The following AGBL4 variants were observed in gnomAD, a reference collection of about 807,000 sequenced individuals.
The protein encoded by AGBL4 is cytosolic carboxypeptidase 6.
A neutral mutation model predicts 66.4 loss-of-function variants in AGBL4; 58 were observed. That is an observed-to-expected ratio of 0.87 (90% CI 0.71 to 1.09). The LOEUF is 1.09. Ranked by LOEUF, AGBL4 falls within the 50% of genes least tolerant of loss-of-function variation. AGBL4 has a pLI of 0.00. For synonymous variants in AGBL4, 234 were observed against 222.9 expected (o/e 1.05, Z -0.44); for missense variants, 579 against 631.0 (o/e 0.92, Z 0.88).
At chr1:48,644,099 T>A (rs1645799266) in intron 8 of AGBL4, among the ~76,000 whole-genome samples, 1 of 152,282 alleles carries the variant, frequency 6.6e-6, no homozygotes, top group East Asian at 1.9e-4. Context: ...GGAGTATGAC[T>A]CATTATCACT....
At chr1:49,487,058 G>T (rs1186615142) in intron 3 of AGBL4, among the ~76,000 whole-genome samples, 1 of 151,896 alleles carries the variant, frequency 6.6e-6, no homozygotes, top group Non-Finnish European at 1.5e-5. Flanking sequence ...TCTCAAAACA[G>T]AAAAATAATT....
At position 48,929,372 on chromosome 1, in the gene AGBL4, C is replaced by T. The variant is rs1654850012; in HGVS notation, c.595-62142G>A. Among the ~76,000 whole-genome samples, 3 of 152,146 alleles carry T rather than the reference C, an allele frequency of 2.0e-5. No individual in the cohort carries two copies. In the South Asian group the frequency reaches 6.2e-4, roughly 32 times the overall value. On this transcript the variant is annotated intron_variant, in intron 5 of 13. Transcript: ENST00000371839. ...TTAAAAAACATGCCACTTTGGCCTT[C>T]ACTTTGTTCCCATTGTTCTCTTTCC...
chr1:49,562,329 A>G (rs1220359945), intron 3 of AGBL4, among the ~76,000 whole-genome samples: 1 of 151,984 alleles, frequency 6.6e-6, no homozygotes, highest in Non-Finnish European at 1.5e-5. Context: ...CCCATTTGTC[A>G]ATTTTGGCTT....
chr1:48,645,245 G>GGA (rs1441757962), intron 8 of AGBL4, among the ~76,000 whole-genome samples: 2 of 152,132 alleles, frequency 1.3e-5, no homozygotes, highest in African/African-American at 2.4e-5. Flanking sequence ...AGAGTCCCTG[G>GGA]GAGGTAAGGG....
chr1:49,955,807 A>G (rs1557616647), intron 1 of AGBL4, among the ~76,000 whole-genome samples: 1 of 151,802 alleles, frequency 6.6e-6, no homozygotes, highest in Non-Finnish European at 1.5e-5. Context: ...GCCCTGGAAA[A>G]AAAAGTACAA....
At chr1:48,555,776 C>T (rs1318749273) in intron 11 of AGBL4, among the ~76,000 whole-genome samples, 2 of 152,078 alleles carry the variant, frequency 1.3e-5, no homozygotes, top group Non-Finnish European at 2.9e-5. Flanking sequence ...AGGGCCTGAG[C>T]TCAGGCACTC....
chr1:49,330,108 T>C (rs1386745096), intron 3 of AGBL4, among the ~76,000 whole-genome samples: 1 of 152,232 alleles, frequency 6.6e-6, no homozygotes, highest in African/African-American at 2.4e-5. Context: ...AAAATGTAGC[T>C]ACATAACCTC....
chr1:49,353,517 A>G (rs1643953947), intron 3 of AGBL4, among the ~76,000 whole-genome samples: 1 of 152,192 alleles, frequency 6.6e-6, no homozygotes, highest in African/African-American at 2.4e-5. Flanking sequence ...ACCCTGGAAA[A>G]GGATTAATGG....
At chr1:49,286,886 A>T (rs1428535737) in intron 3 of AGBL4, among the ~76,000 whole-genome samples, 1 of 152,158 alleles carries the variant, frequency 6.6e-6, no homozygotes, top group Admixed American at 6.5e-5. Context: ...TGGAACCAAA[A>T]AAGAGCCCGC....
chr1:49,942,441 T>A (rs1654847208), intron 1 of AGBL4, among the ~76,000 whole-genome samples: 1 of 151,966 alleles, frequency 6.6e-6, no homozygotes, highest in Admixed American at 6.6e-5. Context: ...AAACATATGA[T>A]AAACCTGTAG....
intron 4 of AGBL4, among the ~76,000 whole-genome samples, chr1:49,136,348 C>T (rs1646010802): frequency 6.6e-6 from 1 of 152,126 alleles, no homozygotes; most frequent in Admixed American, 6.6e-5. Flanking sequence ...ATTTTACTGA[C>T]AAGGAATGTG....
At chr1:48,773,226 C>T (rs574814026) in intron 6 of AGBL4, among the ~76,000 whole-genome samples, 3 of 151,964 alleles carry the variant, frequency 2.0e-5, no homozygotes, top group East Asian at 1.9e-4. Flanking sequence ...GCTCTAGGCA[C>T]AGAGAAACCA....
At chr1:48,759,486 T>C in intron 6 of AGBL4, 1 of 1,083,346 alleles carries the variant, frequency 9.2e-7, no homozygotes. Flanking sequence ...GGGTTCCGAG[T>C]GGGGAAGGGG....
At chr1:49,851,319 G>C (rs1646298028) in intron 2 of AGBL4, 77 bp downstream of exon 2, 8 of 1,410,538 alleles carry the variant, frequency 5.7e-6, no homozygotes, top group Non-Finnish European at 5.6e-6. Context: ...GCACTGAATG[G>C]TCACATAAAA....
intron 6 of AGBL4, among the ~76,000 whole-genome samples, chr1:48,841,396 CA>C (rs34310253): frequency 0.36 from 34,017 of 94,824 alleles, 5,258 homozygotes; most frequent in East Asian, 0.65. Context: ...TCTCTTACTA[CA>C]AAACCCCCCC....
intron 3 of AGBL4, among the ~76,000 whole-genome samples, chr1:49,673,272 C>A (rs1646516082): frequency 2.6e-5 from 4 of 152,160 alleles, no homozygotes; most frequent in Admixed American, 1.3e-4. Flanking sequence ...TTATTGTAAA[C>A]AGTGCTTGCA....
chr1:49,103,003 G>A (rs1002265746), intron 4 of AGBL4, among the ~76,000 whole-genome samples: 1 of 152,160 alleles, frequency 6.6e-6, no homozygotes, highest in African/African-American at 2.4e-5. Context: ...GGCATCTGTG[G>A]TTAGCAGTTC....
chr1:49,466,679 G>A (rs1360886145), intron 3 of AGBL4, among the ~76,000 whole-genome samples: 1 of 151,600 alleles, frequency 6.6e-6, no homozygotes, highest in Non-Finnish European at 1.5e-5. Flanking sequence ...CTACACTAGG[G>A]GCTCCTTCTT....
intron 4 of AGBL4, among the ~76,000 whole-genome samples, chr1:49,191,903 A>C (rs887367930): frequency 6.6e-6 from 1 of 152,220 alleles, no homozygotes; most frequent in Non-Finnish European, 1.5e-5. Flanking sequence ...TGCTATTGTG[A>C]ATAGTGCTGC....
Sources: allele counts gnomAD v4.1 joint callset (sites outside exome capture counted in the v4.1 genomes callset), GRCh38; gene constraint gnomAD v4.1.1; transcripts MANE v1.5; gene names NCBI Gene and HGNC (gene_info 2026-07-23, HGNC 2026-07-21).